Variants in TP53INP2 observed in about 807,000 individuals in gnomAD.
TP53INP2 encodes tumor protein p53-inducible nuclear protein 2.
TP53INP2 carries 12 observed loss-of-function variants against 17.1 expected under a neutral mutation model. That is an observed-to-expected ratio of 0.70 (90% CI 0.45 to 1.14). TP53INP2 has a LOEUF of 1.14. Ranked by LOEUF, TP53INP2 falls within the 50% of genes most tolerant of loss-of-function variation. The probability of loss-of-function intolerance (pLI) is 0.00; values close to 1 mark genes in which losing one functional copy is unlikely to be tolerated. For synonymous variants in TP53INP2, 145 were observed against 147.3 expected, an observed-to-expected ratio of 0.98 and a Z score of 0.12; for missense variants, 342 against 330.9, an observed-to-expected ratio of 1.03 and a Z score of -0.26.
In TP53INP2 at chr20:34,710,353, G is replaced by A. The variant is rs1461508954; in HGVS notation, c.*46G>A. The A allele has an allele frequency of 7.7e-7, 1 of 1,291,780 alleles. No individual in the cohort carries two copies. Among genetic ancestry groups the A allele is most frequent in the South Asian group, 2.8e-5 (1 of 35,886 alleles). The allele number at this position is 1,291,780 out of a possible 1,614,324, so 80.0% of individuals were successfully genotyped here. A position where few individuals can be genotyped will look rare whatever the true frequency, so the allele number is the denominator to read the frequency against. Reference sequence around the variant, plus strand: ...GAACCCCTTGCCGATCCCGATCCCTGTCGGGCTCCTCCGACTCCTCGGGCT... The same window carrying A: ...GAACCCCTTGCCGATCCCGATCCCTATCGGGCTCCTCCGACTCCTCGGGCT... On this transcript the variant is annotated 3_prime_UTR_variant, in exon 5 of 5. Coordinates refer to ENST00000374810, the MANE Select transcript of TP53INP2 (RefSeq NM_021202.3). The surrounding 1 kb of genome is among the most constrained non-coding windows in gnomAD (Gnocchi z 4.9).
chr20:34,709,910 T>G lies in TP53INP2; in HGVS notation c.414-148T>G, dbSNP rs1391707715. The G allele has an allele frequency of 2.8e-6, 3 of 1,056,810 alleles. No homozygotes were observed. Among genetic ancestry groups the G allele is most frequent in the Non-Finnish European group, 3.8e-6 (3 of 793,640 alleles). 65.5% of individuals were successfully genotyped at this position (1,056,810 alleles called of 1,614,324 possible). A position where few individuals can be genotyped will look rare whatever the true frequency, so the allele number is the denominator to read the frequency against. ...TAAGGGCTAGAACCGAGGAGGCACC[T>G]CCGGGTTGGTACCCACAAGAAGGGC... is the stretch of plus-strand genomic sequence containing the variant. On this transcript the variant is annotated intron_variant, in intron 4 of 4. Coordinates refer to ENST00000374810, the MANE Select transcript of TP53INP2 (RefSeq NM_021202.3). This position sits in a 1 kb window ranked among gnomAD's most constrained non-coding sequence, Gnocchi z 5.4.
Position 34,709,013 on chromosome 20 carries a change from GCTCT to G in TP53INP2, c.124+154_124+157del, listed in dbSNP as rs1988072149. The G allele has an allele frequency of 7.1e-7, 1 of 1,408,352 alleles. No homozygotes were observed. The highest frequency in any genetic ancestry group is 1.4e-5 in the African/African-American group (1 of 69,440). The allele number at this position is 1,408,352 out of a possible 1,614,324, so 87.2% of individuals were successfully genotyped here. A position where few individuals can be genotyped will look rare whatever the true frequency, so the allele number is the denominator to read the frequency against. On this transcript the variant is annotated intron_variant, in intron 3 of 4. Transcript: ENST00000374810. This position sits in a 1 kb window ranked among gnomAD's most constrained non-coding sequence, Gnocchi z 5.4. ...GGGGCCCCTTCCCATGAAAGCCGGG[GCTCT>G]CTCCTGGCGGCCCAGGAGAGGCCCG...
rs1329286292 is a variant in TP53INP2, at chr20:34,710,370, C to A, written c.*63C>A. 4 of 1,263,112 alleles carry A rather than the reference C, an allele frequency of 3.2e-6. No homozygotes were observed. The East Asian group carries it at 1.2e-4, about 38-fold the overall frequency. The allele number at this position is 1,263,112 out of a possible 1,614,324, so 78.2% of individuals were successfully genotyped here. A position where few individuals can be genotyped will look rare whatever the true frequency, so the allele number is the denominator to read the frequency against. On this transcript the variant is annotated 3_prime_UTR_variant, in exon 5 of 5. Transcript: ENST00000374810. This position sits in a 1 kb window ranked among gnomAD's most constrained non-coding sequence, Gnocchi z 4.9. The stretch of plus-strand genomic sequence containing the variant: ...CGATCCCTGTCGGGCTCCTCCGACT[C>A]CTCGGGCTGGACACCGAAACCTCCC...
Sources: gnomAD v4.1 joint callset for allele counts on GRCh38, gnomAD v4.1.1 for gene constraint, Gnocchi (gnomAD v3.1) non-coding constraint, MANE v1.5 for transcripts, NCBI Gene and HGNC (gene_info 2026-07-23, HGNC 2026-07-21) for gene names.